The following ABCB1 variants were observed in gnomAD, a reference collection of about 807,000 sequenced individuals.
ABCB1 encodes the protein ATP binding cassette subfamily B member 1.
In ABCB1, 69 loss-of-function variants were observed where a neutral mutation model predicts 142.0. That is an observed-to-expected ratio of 0.49 (90% CI 0.40 to 0.59). The LOEUF is 0.59. Ranked by LOEUF, ABCB1 falls within the 20% of genes least tolerant of loss-of-function variation. The pLI, the probability that ABCB1 is intolerant of heterozygous loss-of-function variation, is 0.00. For synonymous variants in ABCB1, 532 were observed against 539.2 expected (o/e 0.99, Z 0.18); for missense variants, 1,326 against 1,554.7 (o/e 0.85, Z 2.47).
chr7:87,678,637 A>G (rs1017227498), intron 1 of ABCB1, among the ~76,000 whole-genome samples: 1 of 152,238 alleles, frequency 6.6e-6, no homozygotes, highest in Admixed American at 6.5e-5. Flanking sequence ...TAAGCACTCC[A>G]ATTAAAAGAG....
At position 87,509,422 on chromosome 7, in the gene ABCB1, G is replaced by A; in HGVS notation, c.3342C>T (p.Gly1114=). The A allele has an allele frequency of 6.2e-7, 1 of 1,614,182 alleles. No homozygotes were observed. Among genetic ancestry groups the A allele is most frequent in the East Asian group, 2.2e-5 (1 of 44,884 alleles). The change falls in exon 26 of 28, where the codon GGC becomes GGT. Residue 1114 remains glycine, a synonymous_variant. Coordinates refer to ENST00000622132, the MANE Select transcript of ABCB1 (RefSeq NM_001348946.2). ...LNVQWLRAHL[G]IVSQEPILFD... ...ACAGGATGGGCTCCTGGGACACGAT[G>A]CCCAGGTGTGCTCGGAGCCACTGAA...
chr7:87,566,146 G>C lies in ABCB1; in HGVS notation c.626C>G (p.Thr209Arg). ...TFFTGFIVGF[T>R]RGWKLTLVIL... ...CACAAGGGTTAGCTTCCAACCACGT[G>C]TAAATCCTACTATAAACCCAGTGAA... The change falls in exon 7 of 28, where the codon ACA becomes AGA. Residue 209 changes from threonine (T) to arginine (R), a missense_variant. Physicochemically the swap from Thr to Arg is moderately conservative, Grantham distance 71. Coordinates refer to ENST00000622132, the MANE Select transcript of ABCB1 (RefSeq NM_001348946.2). 1 of 1,614,208 alleles carries C rather than the reference G, an allele frequency of 6.2e-7. No homozygotes were observed.
At chr7:87,673,019 C>T (rs1825987462) in intron 1 of ABCB1, among the ~76,000 whole-genome samples, 1 of 152,206 alleles carries the variant, frequency 6.6e-6, no homozygotes, top group Admixed American at 6.5e-5. Flanking sequence ...AATTCCTTTT[C>T]TATAAGAATG....
In ABCB1 at chr7:87,656,052, C is replaced by T. The variant is rs187913125; in HGVS notation, c.-330-54974G>A. Among the ~76,000 whole-genome samples, 8 of 152,074 alleles carry T rather than the reference C, an allele frequency of 5.3e-5. No homozygotes were observed. In the South Asian group the frequency reaches 8.3e-4, roughly 16 times the overall value. ...TGATGGTGCTTTGATCTTGGACTTC[C>T]CAGCCTCTAGAACTATGAGAAATAA... On this transcript the variant is annotated intron_variant, in intron 1 of 28. Coordinates refer to the ABCB1 transcript ENST00000265724.
At chr7:87,518,300 T>C (rs958408253) in intron 23 of ABCB1, among the ~76,000 whole-genome samples, 1 of 152,214 alleles carries the variant, frequency 6.6e-6, no homozygotes. Flanking sequence ...GTCTTCCTTT[T>C]CCTTAACTTG....
rs78762261 is a variant in ABCB1, at chr7:87,589,059, C to T, written c.118-3379G>A. Among the ~76,000 whole-genome samples the T allele has an allele frequency of 3.0e-3, 458 of 152,166 alleles. 3 individuals carry two copies. The highest frequency in any genetic ancestry group is 0.01 in the African/African-American group (429 of 41,516). On this transcript the variant is annotated intron_variant, in intron 3 of 27. Coordinates refer to ENST00000622132, the MANE Select transcript of ABCB1 (RefSeq NM_001348946.2). ...GCTAGAACCTCATATTTCTTAATGACATGAAGCAAGATTGATTTCTAGAGA... is the reference window on the plus strand; with the variant it reads ...GCTAGAACCTCATATTTCTTAATGATATGAAGCAAGATTGATTTCTAGAGA...
At chr7:87,508,451 A>G (rs1814847403) in intron 26 of ABCB1, among the ~76,000 whole-genome samples, 1 of 152,224 alleles carries the variant, frequency 6.6e-6, no homozygotes, top group African/African-American at 2.4e-5. Context: ...TATTTTGGAC[A>G]AGGAATAGTC....
At chr7:87,626,819 A>G (rs1263734068) in intron 1 of ABCB1, among the ~76,000 whole-genome samples, 2 of 151,616 alleles carry the variant, frequency 1.3e-5, no homozygotes, top group African/African-American at 4.9e-5. Flanking sequence ...TCTGTCGCCC[A>G]GGCTGGAGTG....
At chr7:87,585,362 C>T in intron 4 of ABCB1, 150 bp downstream of exon 4, 1 of 756,952 alleles carries the variant, frequency 1.3e-6, no homozygotes, top group Non-Finnish European at 2.2e-6. Flanking sequence ...TTTTCTAACT[C>T]ACTACAAATA....
In ABCB1 at chr7:87,566,255, T is replaced by C; in HGVS notation, c.531-14A>G. On this transcript the variant is annotated splice_polypyrimidine_tract_variant and intron_variant, in intron 6 of 27. Transcript: ENST00000622132. ...TTGGAGACATCACTGAAAGAACAGA[T>C]AGTGTTAGAAATAATTGTCAGAATT... 5.0e-6 allele frequency: 8 copies of C among 1,612,470 alleles called. No homozygotes were observed. The highest frequency in any genetic ancestry group is 6.8e-6 in the Non-Finnish European group (8 of 1,178,560).
At chr7:87,623,905 T>G (rs183946456) in intron 1 of ABCB1, among the ~76,000 whole-genome samples, 146 of 152,258 alleles carry the variant, frequency 9.6e-4, no homozygotes, top group Admixed American at 4.2e-3. Flanking sequence ...ACCACCACTC[T>G]TTTTTTCTCC....
intron 1 of ABCB1, among the ~76,000 whole-genome samples, chr7:87,700,803 T>C (rs532361614): frequency 7.9e-5 from 12 of 152,324 alleles, no homozygotes; most frequent in Admixed American, 2.6e-4. Flanking sequence ...AAAATATTTT[T>C]ATATAATATC....
intron 1 of ABCB1, among the ~76,000 whole-genome samples, chr7:87,617,629 T>C (rs1373441734): frequency 6.6e-6 from 1 of 152,154 alleles, no homozygotes; most frequent in Non-Finnish European, 1.5e-5. Context: ...AAGACTGTAG[T>C]CCTAAGTCTT....
chr7:87,649,377 G>C (rs1341457796), intron 1 of ABCB1, among the ~76,000 whole-genome samples: 1 of 152,224 alleles, frequency 6.6e-6, no homozygotes, highest in Non-Finnish European at 1.5e-5. Flanking sequence ...GAGATACATA[G>C]TTCAGAAAGC....
At chr7:87,680,272 A>G (rs1024736762) in intron 1 of ABCB1, among the ~76,000 whole-genome samples, 3 of 150,664 alleles carry the variant, frequency 2.0e-5, no homozygotes, top group African/African-American at 7.4e-5. Context: ...AATCCAGTCT[A>G]TCATTGATAG....
intron 1 of ABCB1, among the ~76,000 whole-genome samples, chr7:87,692,553 TA>T (rs1828112573): frequency 6.6e-6 from 1 of 152,218 alleles, no homozygotes; most frequent in Non-Finnish European, 1.5e-5. Flanking sequence ...AGAAGTGCCA[TA>T]AATCTGGTCA....
intron 21 of ABCB1, among the ~76,000 whole-genome samples, chr7:87,530,107 T>G (rs1157502622): frequency 6.6e-6 from 1 of 152,216 alleles, no homozygotes; most frequent in Non-Finnish European, 1.5e-5. Flanking sequence ...GACCAACATC[T>G]GGGGCCTTCT....
At chr7:87,685,747 A>C (rs1307188116) in intron 1 of ABCB1, among the ~76,000 whole-genome samples, 8 of 152,188 alleles carry the variant, frequency 5.3e-5, no homozygotes, top group Admixed American at 5.2e-4. Context: ...TGTGTCTCAT[A>C]ATCATGGTTA....
At chr7:87,664,008 G>C (rs528771938) in intron 1 of ABCB1, among the ~76,000 whole-genome samples, 41 of 152,198 alleles carry the variant, frequency 2.7e-4, no homozygotes, top group Admixed American at 7.9e-4. Flanking sequence ...ATATATTGGG[G>C]ATAGGACTTA....
Sources: gnomAD v4.1 joint callset for allele counts (sites outside exome capture counted in the v4.1 genomes callset) on GRCh38, gnomAD v4.1.1 for gene constraint, MANE v1.5 for transcripts, NCBI Gene and HGNC (gene_info 2026-07-23, HGNC 2026-07-21) for gene names.